OVCH2: variants seen among roughly 807,000 people sequenced by gnomAD.
The protein encoded by OVCH2 is ovochymase-2.
Under a neutral mutation model 73.7 loss-of-function variants are expected in OVCH2, and 88 were observed. The ratio of observed to expected loss-of-function variants is 1.19; its 90% CI spans 1.01 to 1.43. The LOEUF (loss-of-function observed/expected upper bound fraction) is 1.43. Ranked by LOEUF, OVCH2 falls within the 40% of genes most tolerant of loss-of-function variation. The pLI is 0.00. For missense variants in OVCH2, 706 were observed against 674.5 expected, an observed-to-expected ratio of 1.05 and a Z score of -0.52; for synonymous variants, 265 against 234.5, an observed-to-expected ratio of 1.13 and a Z score of -1.19.
intron 8 of OVCH2, 44 bp downstream of exon 8, chr11:7,698,706 G>A: frequency 6.3e-7 from 1 of 1,591,558 alleles, no homozygotes; most frequent in East Asian, 2.2e-5. Context: ...AATGCTAGAT[G>A]TTAATTTGTG....
At chr11:7,692,135 G>C in intron 12 of OVCH2, 140 bp from the exon 13 acceptor site, 1 of 624,742 alleles carries the variant, frequency 1.6e-6, no homozygotes, top group Non-Finnish European at 2.8e-6. Flanking sequence ...TTCAGGAGTG[G>C]GTCAGATTAC....
chr11:7,684,678 AT>A (rs1240547632), downstream of OVCH2, among the ~76,000 whole-genome samples: 1 of 152,082 alleles, frequency 6.6e-6, no homozygotes, highest in East Asian at 1.9e-4. Context: ...GATATAGTTA[AT>A]TCTCTTGTGT....
chr11:7,705,727 TTGAA>T (rs1384699896), intron 1 of OVCH2: 4 of 152,270 alleles, frequency 2.6e-5, no homozygotes, highest in African/African-American at 7.2e-5. Flanking sequence ...ACTGTTTCAG[TTGAA>T]TGAGTCATAA....
chr11:7,702,968 C>G (rs1287599267), intron 3 of OVCH2, among the ~76,000 whole-genome samples: 2 of 152,208 alleles, frequency 1.3e-5, no homozygotes, highest in African/African-American at 2.4e-5. Context: ...TAACTTAACA[C>G]ATAATGTCTC....
intron 3 of OVCH2, among the ~76,000 whole-genome samples, chr11:7,702,539 A>G (rs75379539): frequency 0.025 from 3,816 of 152,288 alleles, 100 homozygotes; most frequent in African/African-American, 0.061. Context: ...GAGTGGGTTC[A>G]TATATAGCCA....
chr11:7,701,358 G>A lies in OVCH2; in HGVS notation c.677C>T (p.Thr226Ile), dbSNP rs1856433525. ...RPISGKTFLCTGFPDGGRDAC... is the reference protein window; with the variant it reads ...RPISGKTFLCIGFPDGGRDAC... ...GTCTCTCCCTCCATCAGGAAAACCTGTGCAAAGAAAGGTCTTCCCACTGAT... is the reference window on the plus strand; with the variant it reads ...GTCTCTCCCTCCATCAGGAAAACCTATGCAAAGAAAGGTCTTCCCACTGAT... Residue 226 changes from threonine to isoleucine, a missense_variant, in exon 6 of 16, where the codon ACA becomes ATA. Physicochemically the swap from Thr to Ile is moderately conservative, Grantham distance 89. Coordinates refer to ENST00000533663, the MANE Select transcript of OVCH2 (RefSeq NM_198185.7). 3.7e-6 allele frequency: 6 copies of A among 1,613,154 alleles called. No individual in the cohort carries two copies. The highest frequency in any genetic ancestry group is 5.1e-6 in the Non-Finnish European group (6 of 1,179,668).
Position 7,695,674 on chromosome 11 carries a change from A to T in OVCH2, c.1178T>A (p.Leu393His), listed in dbSNP as rs1856318245. 1 of 1,612,702 alleles carries T rather than the reference A, an allele frequency of 6.2e-7. No individual in the cohort carries two copies. The highest frequency in any genetic ancestry group is 1.7e-5 in the Admixed American group (1 of 59,982). The change falls in exon 11 of 16, where the codon CTT (leucine) becomes CAT (histidine). Residue 393 changes from leucine to histidine, a missense_variant. Coordinates refer to ENST00000533663, the MANE Select transcript of OVCH2 (RefSeq NM_198185.7). ...FCGESLPSSI[L>H]IGSNSLRLKF... ...CAGCCTTAGAGAATTAGAGCCAATA[A>T]GAATGGATGAAGGGAGGCTTTCTCC...
In OVCH2 at chr11:7,706,366, A is replaced by G. The variant is rs1856530837; in HGVS notation, c.29T>C (p.Leu10Ser). The G allele has an allele frequency of 6.3e-7, 1 of 1,585,542 alleles. No homozygotes were observed. Among genetic ancestry groups the G allele is most frequent in the Non-Finnish European group, 8.6e-7 (1 of 1,164,028 alleles). The change falls in exon 1 of 16, where the codon TTA becomes TCA. Residue 10 changes from leucine (L) to serine (S), a missense_variant. Physicochemically the swap from Leu to Ser is moderately radical, Grantham distance 145. Transcript: ENST00000533663. ...TTCAAAAAAGACTATTCCTAGTAGT[A>G]AAATCAGCTTGTTCCTGCTTATAAG... Reference protein sequence around the residue: MLISRNKLILLLGIVFFERG... With the variant: MLISRNKLISLLGIVFFERG...
chr11:7,686,321 T>A (rs1013503133), downstream of OVCH2, among the ~76,000 whole-genome samples: 2 of 152,182 alleles, frequency 1.3e-5, no homozygotes, highest in African/African-American at 4.8e-5. Context: ...ATTTTATGAG[T>A]TAATTCATAT....
intron 15 of OVCH2, 118 bp from the exon 16 acceptor site, chr11:7,689,720 A>T: frequency 1.5e-6 from 1 of 658,094 alleles, no homozygotes; most frequent in Non-Finnish European, 2.8e-6. Flanking sequence ...GTCATACTGG[A>T]TTAGGGCCCA....
At chr11:7,685,916 A>G (rs1022412834), downstream of OVCH2, among the ~76,000 whole-genome samples, 2 of 152,092 alleles carry the variant, frequency 1.3e-5, no homozygotes, top group African/African-American at 4.8e-5. Flanking sequence ...ATCTTGCTGG[A>G]TTCTAGTGTT....
Position 7,695,595 on chromosome 11 carries a change from T to G in OVCH2, c.1257A>C (p.Lys419Asn). The G allele has an allele frequency of 6.2e-7, 1 of 1,613,720 alleles. No individual in the cohort carries two copies. Among genetic ancestry groups the G allele is most frequent in the Non-Finnish European group, 8.5e-7 (1 of 1,179,686 alleles). Residue 419 changes from lysine (K) to asparagine (N), a missense_variant, in exon 11 of 16, where the codon AAA becomes AAC. By Grantham distance (94) the Lys-to-Asn change is moderately conservative. Coordinates refer to ENST00000533663, the MANE Select transcript of OVCH2 (RefSeq NM_198185.7). ...CAGGAATGTAGTTTGGTTTAAGAGC[T>G]TTATAGGTAAGATTAAACCCAGCTG... ...DNAAGFNLTY[K>N]ALKPNYIPDS...
chr11:7,692,113 G>A, intron 12 of OVCH2, 118 bp from the exon 13 acceptor site: 1 of 696,888 alleles, frequency 1.4e-6, no homozygotes, highest in Non-Finnish European at 2.5e-6. Context: ...AGATAAGAAA[G>A]TTAATGGGGT....
the OVCH2 span, among the ~76,000 whole-genome samples, chr11:7,679,461 A>T: frequency 6.6e-4 from 100 of 152,246 alleles, no homozygotes; most frequent in African/African-American, 2.3e-3. Flanking sequence ...TGGTGATTGG[A>T]TTGGGGGGCA....
At chr11:7,697,854 A>G (rs1477619694) in intron 8 of OVCH2, among the ~76,000 whole-genome samples, 3 of 152,198 alleles carry the variant, frequency 2.0e-5, no homozygotes, top group Admixed American at 6.5e-5. Flanking sequence ...TTCTTACACT[A>G]TTAAAATATA....
chr11:7,687,442 T>C (rs1856154874), downstream of OVCH2, among the ~76,000 whole-genome samples: 1 of 152,140 alleles, frequency 6.6e-6, no homozygotes, highest in Non-Finnish European at 1.5e-5. Flanking sequence ...TATGACTCTA[T>C]GACTCCTGAA....
chr11:7,696,983 C>A, intron 8 of OVCH2, 184 bp from the exon 9 acceptor site: 1 of 591,810 alleles, frequency 1.7e-6, no homozygotes, highest in Non-Finnish European at 3.0e-6. Flanking sequence ...TCCTGCTTAA[C>A]CTTGAGATTC....
At chr11:7,688,487 A>C (rs1565164793), downstream of OVCH2, among the ~76,000 whole-genome samples, 2 of 152,106 alleles carry the variant, frequency 1.3e-5, no homozygotes, top group Non-Finnish European at 2.9e-5. Flanking sequence ...AAATTTTTCC[A>C]CCCGGGGCTT....
At chr11:7,687,866 GTCT>G (rs895398442), downstream of OVCH2, among the ~76,000 whole-genome samples, 11 of 152,112 alleles carry the variant, frequency 7.2e-5, no homozygotes, top group African/African-American at 2.7e-4. Flanking sequence ...GCAGATGTCT[GTCT>G]TCTTGTTTTA....
Sources: allele counts gnomAD v4.1 joint callset (sites outside exome capture counted in the v4.1 genomes callset), GRCh38; gene constraint gnomAD v4.1.1; transcripts MANE v1.5; gene names NCBI Gene and HGNC (gene_info 2026-07-23, HGNC 2026-07-21).